TUBA1C: variants seen among roughly 807,000 people sequenced by gnomAD.
TUBA1C encodes the protein tubulin alpha 1c.
Under a neutral mutation model 34.9 loss-of-function variants are expected in TUBA1C, and 16 were observed. The ratio of observed to expected loss-of-function variants is 0.46; its 90% CI spans 0.31 to 0.70. The LOEUF (loss-of-function observed/expected upper bound fraction) is 0.70, where lower values mean the gene tolerates loss of function less well. Among genes scored for constraint, TUBA1C ranks in the 30% least tolerant of loss-of-function variants. TUBA1C has a pLI of 0.05. For missense variants in TUBA1C, 329 were observed against 587.3 expected, an observed-to-expected ratio of 0.56 and a Z score of 4.55; for synonymous variants, 177 against 215.9, an observed-to-expected ratio of 0.82 and a Z score of 1.58.
chr12:49,264,978 C>G (rs987878152), upstream of TUBA1C: 3 of 670,300 alleles, frequency 4.5e-6, no homozygotes, highest in Non-Finnish European at 6.3e-6. Flanking sequence ...GGCCAGGGCT[C>G]GAAGGTGGGG....
At chr12:49,270,562 T>C (rs1942977224) in intron 3 of TUBA1C, among the ~76,000 whole-genome samples, 1 of 152,220 alleles carries the variant, frequency 6.6e-6, no homozygotes, top group Non-Finnish European at 1.5e-5. Flanking sequence ...AAAATCACAT[T>C]GTATTAAGCC....
chr12:49,246,444 C>G (rs1439019669), intron 1 of TUBA1C, among the ~76,000 whole-genome samples: 1 of 151,744 alleles, frequency 6.6e-6, no homozygotes, highest in Non-Finnish European at 1.5e-5. Context: ...CTTTGGGAGG[C>G]CGAGGCGGGC....
chr12:49,265,041 G>A, upstream of TUBA1C: 1 of 1,211,814 alleles, frequency 8.3e-7, no homozygotes, highest in Non-Finnish European at 1.1e-6. Context: ...ACGTGGCCGG[G>A]GACCGGGTAT....
At chr12:49,240,463 C>G (rs1942603692) in intron 1 of TUBA1C, among the ~76,000 whole-genome samples, 1 of 152,180 alleles carries the variant, frequency 6.6e-6, no homozygotes, top group Non-Finnish European at 1.5e-5. Flanking sequence ...GTCCTCTTCT[C>G]TCCTCTCCCC....
chr12:49,261,110 A>G (rs1200210882), upstream of TUBA1C, among the ~76,000 whole-genome samples: 2 of 152,008 alleles, frequency 1.3e-5, no homozygotes, highest in Non-Finnish European at 2.9e-5. Context: ...GCTCTTTGGG[A>G]GGCCGAGGCA....
intron 1 of TUBA1C, among the ~76,000 whole-genome samples, chr12:49,234,695 C>A (rs1439301339): frequency 6.6e-6 from 1 of 152,212 alleles, no homozygotes; most frequent in Non-Finnish European, 1.5e-5. Context: ...CCCGCCACGC[C>A]CTGCTGTTTA....
upstream of TUBA1C, chr12:49,265,003 G>A (rs910842424): frequency 4.7e-5 from 42 of 892,252 alleles, no homozygotes; most frequent in Non-Finnish European, 5.8e-5. Context: ...AGCGGCACGG[G>A]GCGGGGTCTG....
chr12:49,273,565 T>C lies in TUBA1C; in HGVS notation c.*338T>C, dbSNP rs1943024856. 1 of 373,358 alleles carries C rather than the reference T, an allele frequency of 2.7e-6. No individual in the cohort carries two copies. Among genetic ancestry groups the C allele is most frequent in the African/African-American group, 2.1e-5 (1 of 47,960 alleles). 23.1% of individuals were successfully genotyped at this position (373,358 alleles called of 1,614,324 possible). On this transcript the variant is annotated 3_prime_UTR_variant, in exon 4 of 4. Transcript: ENST00000301072. Reference sequence around the variant, plus strand: ...ACCACCATGCCCAGCTATTTTTATTTCTTGTAGAGATGGGGCCTTGCTATG... The same window carrying C: ...ACCACCATGCCCAGCTATTTTTATTCCTTGTAGAGATGGGGCCTTGCTATG...
At chr12:49,248,940 A>C (rs1349049758) in intron 1 of TUBA1C, among the ~76,000 whole-genome samples, 2 of 152,042 alleles carry the variant, frequency 1.3e-5, no homozygotes, top group Non-Finnish European at 2.9e-5. Context: ...TGTATTTGGA[A>C]ATAAAACAGA....
intron 1 of TUBA1C, among the ~76,000 whole-genome samples, chr12:49,248,793 G>A (rs1252366512): frequency 1.3e-5 from 2 of 150,552 alleles, no homozygotes; most frequent in African/African-American, 4.9e-5. Context: ...GCGTGAACCC[G>A]GGAGGCGGAG....
At chr12:49,265,870 G>A (rs1423591628) in intron 1 of TUBA1C, among the ~76,000 whole-genome samples, 1 of 151,302 alleles carries the variant, frequency 6.6e-6, no homozygotes, top group East Asian at 2.0e-4. Flanking sequence ...TAAAACCAGA[G>A]TTGGCCCGGC....
chr12:49,255,411 T>A (rs538126911), intron 1 of TUBA1C, among the ~76,000 whole-genome samples: 2,054 of 146,786 alleles, frequency 0.014, 35 homozygotes, highest in African/African-American at 0.037. Flanking sequence ...AAAAAATATA[T>A]ATATATATAT....
At chr12:49,251,529 C>G (rs748893771) in intron 1 of TUBA1C, among the ~76,000 whole-genome samples, 1 of 152,094 alleles carries the variant, frequency 6.6e-6, no homozygotes, top group Non-Finnish European at 1.5e-5. Context: ...AATCCTAGCA[C>G]TTTGGGAGGC....
intron 1 of TUBA1C, among the ~76,000 whole-genome samples, chr12:49,243,845 A>G (rs1329122344): frequency 6.6e-6 from 1 of 152,072 alleles, no homozygotes; most frequent in Non-Finnish European, 1.5e-5. Context: ...TTGTAATACT[A>G]TCTCATTAAA....
Position 49,274,027 on chromosome 12 carries a change from A to C in TUBA1C, c.*800A>C, listed in dbSNP as rs1239092519. The C allele has an allele frequency of 6.6e-6, 1 of 152,486 alleles. No homozygotes were observed. Among genetic ancestry groups the C allele is most frequent in the Non-Finnish European group, 1.5e-5 (1 of 68,274 alleles). The allele number at this position is 152,486 out of a possible 1,614,324, so 9.4% of individuals were successfully genotyped here. On this transcript the variant is annotated 3_prime_UTR_variant, in exon 4 of 4. Transcript: ENST00000301072. ...TAGTGAGCCATGATTGCACCACTGC[A>C]TTCCAGCCTGGGTGACGGAGACCCC... is the stretch of plus-strand genomic sequence containing the variant.
At chr12:49,259,238 C>CTT (rs999031109) in intron 1 of TUBA1C, among the ~76,000 whole-genome samples, 1 of 143,768 alleles carries the variant, frequency 7.0e-6, no homozygotes. Flanking sequence ...CAAATACTTT[C>CTT]TTTTTTTTTT....
At chr12:49,243,754 T>C (rs963363539) in intron 1 of TUBA1C, among the ~76,000 whole-genome samples, 1 of 151,420 alleles carries the variant, frequency 6.6e-6, no homozygotes, top group African/African-American at 2.4e-5. Flanking sequence ...AAAAGAAAAA[T>C]CAGCTCATTG....
At chr12:49,244,166 GA>G (rs1003676939) in intron 1 of TUBA1C, among the ~76,000 whole-genome samples, 9 of 141,350 alleles carry the variant, frequency 6.4e-5, no homozygotes, top group Admixed American at 2.1e-4. Flanking sequence ...AAAAAAAAAA[GA>G]AAAAAAAATC....
chr12:49,270,110 A>G lies in TUBA1C; in HGVS notation c.375+134A>G, dbSNP rs779304406. The stretch of plus-strand genomic sequence containing the variant: ...CTAAAATGTATCTGTTCACTAAATT[A>G]ATTGGATTTCTGAACCAGATGATCT... On this transcript the variant is annotated intron_variant, in intron 3 of 3. Coordinates refer to ENST00000301072, the MANE Select transcript of TUBA1C (RefSeq NM_032704.5). 1.9e-5 allele frequency: 29 copies of G among 1,549,094 alleles called. No homozygotes were observed. In the East Asian group the frequency reaches 5.7e-4, roughly 30 times the overall value.
Sources: gnomAD v4.1 joint callset for allele counts (sites outside exome capture counted in the v4.1 genomes callset) on GRCh38, gnomAD v4.1.1 for gene constraint, MANE v1.5 for transcripts, NCBI Gene and HGNC (gene_info 2026-07-23, HGNC 2026-07-21) for gene names.